TDRD10: variants seen among roughly 807,000 people sequenced by gnomAD.
TDRD10 encodes tudor domain containing 10.
TDRD10 carries 40 observed loss-of-function variants against 48.0 expected under a neutral mutation model. The ratio of observed to expected loss-of-function variants is 0.83; its 90% confidence interval spans 0.65 to 1.09. The LOEUF (loss-of-function observed/expected upper bound fraction) is 1.09. Ranked by LOEUF, TDRD10 falls within the 50% of genes least tolerant of loss-of-function variation. The pLI, the probability that TDRD10 is intolerant of heterozygous loss-of-function variation, is 0.00. For missense variants in TDRD10, 378 were observed against 434.7 expected, an observed-to-expected ratio of 0.87 and a Z score of 1.16; for synonymous variants, 162 against 170.4, an observed-to-expected ratio of 0.95 and a Z score of 0.38.
At chr1:154,538,929 T>C (rs1382814627) in intron 6 of TDRD10, among the ~76,000 whole-genome samples, 2 of 150,836 alleles carry the variant, frequency 1.3e-5, no homozygotes, top group Admixed American at 6.6e-5. Flanking sequence ...TTGGGTCTCA[T>C]TGATTGACAG....
At chr1:154,517,026 T>G (rs1160248166) in intron 4 of TDRD10, among the ~76,000 whole-genome samples, 4 of 152,046 alleles carry the variant, frequency 2.6e-5, no homozygotes, top group Non-Finnish European at 4.4e-5. Flanking sequence ...GTCAGGAGTT[T>G]GCAGGAGGGT....
At chr1:154,541,333 C>T (rs1340435581) in intron 6 of TDRD10, among the ~76,000 whole-genome samples, 1 of 152,010 alleles carries the variant, frequency 6.6e-6, no homozygotes, top group Admixed American at 6.5e-5. Context: ...AGTCCTGTCT[C>T]ATTGCTTCCT....
rs1228033872 is a variant in TDRD10, at chr1:154,507,291, A to G, written c.53A>G (p.Asn18Ser). 3 of 1,614,014 alleles carry G rather than the reference A, an allele frequency of 1.9e-6. No individual in the cohort carries two copies. Among genetic ancestry groups the G allele is most frequent in the African/African-American group, 2.7e-5 (2 of 74,926 alleles). Residue 18 changes from asparagine to serine, a missense_variant, in exon 3 of 13, where the codon AAT becomes AGT. Around this residue, in one of 2 missense-constraint regions of TDRD10, gnomAD observed 310 missense variants for 323.6 expected, o/e 0.96. Transcript: ENST00000368482. ...PQLSDKLFGK[N>S]GVLEEQKSPG... Reference sequence around the variant, plus strand: ...CTCTCTGATAAACTGTTTGGGAAGAATGGAGTGTTGGAGGAGCAGAAATCT... The same window carrying G: ...CTCTCTGATAAACTGTTTGGGAAGAGTGGAGTGTTGGAGGAGCAGAAATCT...
chr1:154,502,903 C>G lies in TDRD10; in HGVS notation c.-154C>G, dbSNP rs539574829. 1 of 152,284 alleles carries G rather than the reference C, an allele frequency of 6.6e-6. No individual in the cohort carries two copies. Among genetic ancestry groups the G allele is most frequent in the Non-Finnish European group, 1.5e-5 (1 of 68,112 alleles). The allele number at this position is 152,284 out of a possible 1,614,324, so 9.4% of individuals were successfully genotyped here. A position where few individuals can be genotyped will look rare whatever the true frequency, so the allele number is the denominator to read the frequency against. On this transcript the variant is annotated 5_prime_UTR_variant, in exon 1 of 13. Transcript: ENST00000368482. ...CGCGAGGCTCTTCCCGCCGTGGCCG[C>G]CGGGGATTGGCTGCCGGCAAGCCCC...
At position 154,512,334 on chromosome 1, in the gene TDRD10, G is replaced by T. The variant is rs375011182; in HGVS notation, c.141+3853G>T. 3.3e-5 allele frequency among the ~76,000 whole-genome samples: 5 copies of T among 151,822 alleles called. No homozygotes were observed. In the East Asian group the frequency reaches 7.7e-4, roughly 23 times the overall value. On this transcript the variant is annotated intron_variant, in intron 4 of 12. Transcript: ENST00000368482. Reference sequence around the variant, plus strand: ...TGTCTTAGTACTTTGTTCCTTTTTTGTTGTTGTTGTTGTTTGTTTTTGTTT... The same window carrying T: ...TGTCTTAGTACTTTGTTCCTTTTTTTTTGTTGTTGTTGTTTGTTTTTGTTT...
chr1:154,506,743 AG>A (rs1424019601), intron 1 of TDRD10, 133 bp from the exon 2 acceptor site: 1 of 729,674 alleles, frequency 1.4e-6, no homozygotes, highest in Non-Finnish European at 2.4e-6. Flanking sequence ...ATACATTCAT[AG>A]GTTCTAGGGA....
chr1:154,506,943 C>T, intron 2 of TDRD10, 38 bp downstream of exon 2: 7 of 1,614,204 alleles, frequency 4.3e-6, no homozygotes, highest in Admixed American at 1.7e-5. Flanking sequence ...AAGCCTCGCT[C>T]CATCCCCCAG....
intron 4 of TDRD10, among the ~76,000 whole-genome samples, chr1:154,513,944 G>A (rs1187662917): frequency 6.6e-6 from 1 of 152,136 alleles, no homozygotes; most frequent in Non-Finnish European, 1.5e-5. Context: ...AATCCTAGCA[G>A]TTTGGGAGGC....
At chr1:154,532,239 C>T (rs899767559) in intron 6 of TDRD10, among the ~76,000 whole-genome samples, 30 of 152,182 alleles carry the variant, frequency 2.0e-4, no homozygotes, top group African/African-American at 4.8e-4. Context: ...CCCTGCCCTG[C>T]GGGGAGGCAG....
chr1:154,531,330 T>A (rs1276325598), intron 6 of TDRD10, among the ~76,000 whole-genome samples: 3 of 152,202 alleles, frequency 2.0e-5, no homozygotes, highest in Non-Finnish European at 2.9e-5. Context: ...GGGTTCTTGG[T>A]CTCACTGACT....
rs554160489 is a variant in TDRD10, at chr1:154,547,996, G to A, written c.*286G>A. On this transcript the variant is annotated 3_prime_UTR_variant, in exon 13 of 13. Transcript: ENST00000368482. ...TGAGGCAGCTGGGATGGTCTTTCTTGTGTCTCTTCTTTGCACCCCAGAGCA... is the reference window on the plus strand; with the variant it reads ...TGAGGCAGCTGGGATGGTCTTTCTTATGTCTCTTCTTTGCACCCCAGAGCA... 11 of 523,898 alleles carry A rather than the reference G, an allele frequency of 2.1e-5. 1 individual carries two copies. The highest frequency in any genetic ancestry group is 3.4e-5 in the Non-Finnish European group (10 of 295,188). The allele number at this position is 523,898 out of a possible 1,614,324, so 32.5% of individuals were successfully genotyped here. A position where few individuals can be genotyped will look rare whatever the true frequency, so the allele number is the denominator to read the frequency against.
chr1:154,508,317 C>T (rs1488671754), intron 3 of TDRD10, 106 bp from the exon 4 acceptor site: 1 of 771,836 alleles, frequency 1.3e-6, no homozygotes, highest in Non-Finnish European at 2.3e-6. Context: ...GAATTTGAGA[C>T]CAGACTGGGC....
chr1:154,527,698 T>TATAA (rs980543756), intron 6 of TDRD10, among the ~76,000 whole-genome samples: 9 of 152,068 alleles, frequency 5.9e-5, no homozygotes, highest in Non-Finnish European at 1.2e-4. Context: ...AAAGTTGATG[T>TATAA]ATAAAGAAAG....
Position 154,547,986 on chromosome 1 carries a change from G to T in TDRD10, c.*276G>T, listed in dbSNP as rs1222876824. 7 of 532,352 alleles carry T rather than the reference G, an allele frequency of 1.3e-5. No individual in the cohort carries two copies. The allele number at this position is 532,352 out of a possible 1,614,324, so 33.0% of individuals were successfully genotyped here. A position where few individuals can be genotyped will look rare whatever the true frequency, so the allele number is the denominator to read the frequency against. The stretch of plus-strand genomic sequence containing the variant: ...GTTGAAAGCCTGAGGCAGCTGGGAT[G>T]GTCTTTCTTGTGTCTCTTCTTTGCA... On this transcript the variant is annotated 3_prime_UTR_variant, in exon 13 of 13. Coordinates refer to ENST00000368482, the MANE Select transcript of TDRD10 (RefSeq NM_182499.4).
intron 4 of TDRD10, among the ~76,000 whole-genome samples, chr1:154,518,046 ACCT>A (rs1304902106): frequency 6.6e-6 from 1 of 152,126 alleles, no homozygotes; most frequent in African/African-American, 2.4e-5. Flanking sequence ...GAGTGCAGTA[ACCT>A]CCTGCCTGTC....
At chr1:154,535,930 G>A (rs1377699121) in intron 6 of TDRD10, among the ~76,000 whole-genome samples, 1 of 152,200 alleles carries the variant, frequency 6.6e-6, no homozygotes, top group African/African-American at 2.4e-5. Flanking sequence ...GCAGGACGGG[G>A]TGAGACTCCA....
Position 154,505,819 on chromosome 1 carries a change from A to C in TDRD10, c.-27-1058A>C, listed in dbSNP as rs139181362. ...TTGTAGAAAAGTGCCCATAAAATCCATAAAAATAAACACAATAGCTACCAT... is the reference window on the plus strand; with the variant it reads ...TTGTAGAAAAGTGCCCATAAAATCCCTAAAAATAAACACAATAGCTACCAT... On this transcript the variant is annotated intron_variant, in intron 1 of 12. Coordinates refer to ENST00000368482, the MANE Select transcript of TDRD10 (RefSeq NM_182499.4). 2.6e-5 allele frequency among the ~76,000 whole-genome samples: 4 copies of C among 152,354 alleles called. No homozygotes were observed. The East Asian group carries it at 7.7e-4, about 29-fold the overall frequency.
chr1:154,507,550 C>T (rs1693214574), intron 3 of TDRD10, among the ~76,000 whole-genome samples: 1 of 152,120 alleles, frequency 6.6e-6, no homozygotes, highest in Non-Finnish European at 1.5e-5. Context: ...GCTCCTAACC[C>T]CGTGCTTCTG....
chr1:154,541,443 G>A (rs1030646426), intron 6 of TDRD10, among the ~76,000 whole-genome samples: 1 of 152,102 alleles, frequency 6.6e-6, no homozygotes, highest in Admixed American at 6.6e-5. Flanking sequence ...GAAAGTCAAG[G>A]TGCGTGGGTG....
Sources: gnomAD v4.1 joint callset for allele counts (sites outside exome capture counted in the v4.1 genomes callset) on GRCh38, gnomAD v4.1.1 for gene constraint, gnomAD v4.1.1 regional missense constraint, MANE v1.5 for transcripts, NCBI Gene and HGNC (gene_info 2026-07-23, HGNC 2026-07-21) for gene names.